Variants in TRRAP observed in about 807,000 individuals in gnomAD.
TRRAP encodes the protein transformation/transcription domain-associated protein.
A neutral mutation model predicts 438.8 loss-of-function variants in TRRAP; 41 were observed. The observed-to-expected ratio is 0.09, with a 90% CI of 0.07 to 0.12. TRRAP has a LOEUF of 0.12. Among genes scored for constraint, TRRAP ranks in the 10% least tolerant of loss-of-function variants. The pLI is 1.00. For synonymous variants in TRRAP, 1,994 were observed against 1,962.9 expected (o/e 1.02, Z -0.42); for missense variants, 3,122 against 5,055.1 (o/e 0.62, Z 11.60).
chr7:98,989,975 C>T (rs913064380), intron 63 of TRRAP, among the ~76,000 whole-genome samples: 3 of 152,220 alleles, frequency 2.0e-5, no homozygotes, highest in African/African-American at 7.2e-5. Context: ...CGCTTGTAAA[C>T]CCAGCACTTT....
At chr7:98,925,062 A>T in intron 21 of TRRAP, 50 bp from the exon 22 acceptor site, 1 of 1,558,750 alleles carries the variant, frequency 6.4e-7, no homozygotes. Flanking sequence ...AGCTTTTCAC[A>T]ATCATGTAAT....
intron 67 of TRRAP, 69 bp from the exon 68 acceptor site, chr7:99,004,121 C>T (rs943423048): frequency 9.3e-6 from 13 of 1,396,238 alleles, no homozygotes; most frequent in Admixed American, 8.7e-5. Context: ...GGGGCTTGAG[C>T]GTTTTTTGCA....
intron 67 of TRRAP, among the ~76,000 whole-genome samples, chr7:98,996,662 A>G (rs901658430): frequency 2.0e-5 from 3 of 152,364 alleles, no homozygotes; most frequent in Admixed American, 6.5e-5. Context: ...CAATTTTTAT[A>G]CAAAATGTCC....
chr7:98,912,511 C>T (rs1372735350), intron 18 of TRRAP, among the ~76,000 whole-genome samples: 5 of 151,716 alleles, frequency 3.3e-5, no homozygotes, highest in Admixed American at 6.6e-5. Context: ...AAAATCATTC[C>T]GTGTATGTCT....
intron 18 of TRRAP, among the ~76,000 whole-genome samples, chr7:98,913,595 A>G (rs905379435): frequency 1.5e-4 from 23 of 152,074 alleles, no homozygotes; most frequent in African/African-American, 5.3e-4. Flanking sequence ...GCCTTCACTC[A>G]GGTTTTGTGT....
chr7:98,989,686 C>T (rs903356603), intron 63 of TRRAP, among the ~76,000 whole-genome samples: 1 of 152,250 alleles, frequency 6.6e-6, no homozygotes, highest in Non-Finnish European at 1.5e-5. Flanking sequence ...GTGCCTGGCT[C>T]CGGGTTGCTT....
intron 65 of TRRAP, among the ~76,000 whole-genome samples, chr7:98,993,011 T>A (rs1379002230): frequency 6.6e-6 from 1 of 152,202 alleles, no homozygotes; most frequent in African/African-American, 2.4e-5. Context: ...GGCTCTGCAA[T>A]GTATCTCACA....
intron 1 of TRRAP, among the ~76,000 whole-genome samples, chr7:98,880,300 A>C (rs1285821016): frequency 8.4e-6 from 1 of 118,946 alleles, no homozygotes; most frequent in Non-Finnish European, 1.7e-5. Flanking sequence ...ACCTTGCTCT[A>C]TTGCCCAGGA....
rs1554417891 is a variant in TRRAP at position 98,950,128 on chromosome 7, T to A, written c.5200T>A (p.Cys1734Ser). 3 of 1,614,266 alleles carry A rather than the reference T, an allele frequency of 1.9e-6. No individual in the cohort carries two copies. The highest frequency in any genetic ancestry group is 2.5e-6 in the Non-Finnish European group (3 of 1,180,044). The change falls in exon 38 of 73, where the codon TGC becomes AGC. Residue 1734 changes from cysteine to serine, a missense_variant. This residue lies in a region of TRRAP where 272 missense variants were observed against 348.5 expected (regional missense o/e 0.78). Coordinates refer to ENST00000456197, the MANE Select transcript of TRRAP (RefSeq NM_001375524.1). ...LLRAFTGRFL[C>S]NMTFLKEYME... ...CCGAGCCTTTACTGGTCGTTTTCTC[T>A]GCAACATGACATTCTTAAAAGAGTA...
At chr7:98,913,395 TC>T (rs1789372270) in intron 18 of TRRAP, among the ~76,000 whole-genome samples, 1 of 152,090 alleles carries the variant, frequency 6.6e-6, no homozygotes, top group Admixed American at 6.6e-5. Flanking sequence ...GTCAAGCAAT[TC>T]TCCTGCCTCA....
intron 45 of TRRAP, among the ~76,000 whole-genome samples, 178 bp from the exon 46 acceptor site, chr7:98,961,083 A>C (rs1791871046): frequency 6.6e-6 from 1 of 152,240 alleles, no homozygotes; most frequent in Non-Finnish European, 1.5e-5. Context: ...GTAGTTATTT[A>C]AAGTGATTTT....
intron 60 of TRRAP, 159 bp downstream of exon 60, chr7:98,983,618 A>G (rs2116763156): frequency 1.3e-6 from 1 of 742,394 alleles, no homozygotes; most frequent in Non-Finnish European, 2.2e-6. Context: ...TGGTAATGGT[A>G]CAGGGAAAGA....
At chr7:98,905,552 A>G (rs73393191) in intron 12 of TRRAP, among the ~76,000 whole-genome samples, 17 of 152,238 alleles carry the variant, frequency 1.1e-4, no homozygotes, top group African/African-American at 3.4e-4. Context: ...GGTTGTTTCT[A>G]TAGAACCCTG....
rs1792352414 is a variant in TRRAP, at chr7:98,970,300, C to T, written c.7692+9C>T. ...GCGAGTCCAAAGAGGAGGTGAGGCC[C>T]TGCACCCCACAGGCAGAATCCCAGA... On this transcript the variant is annotated intron_variant, in intron 52 of 72. Coordinates refer to ENST00000456197, the MANE Select transcript of TRRAP (RefSeq NM_001375524.1). 6 of 1,610,140 alleles carry T rather than the reference C, an allele frequency of 3.7e-6. No homozygotes were observed. Among genetic ancestry groups the T allele is most frequent in the Non-Finnish European group, 5.1e-6 (6 of 1,179,732 alleles).
rs1281082495 is a variant in TRRAP, at chr7:99,011,765, G to A, written c.11337+230G>A. Among the ~76,000 whole-genome samples, 10 of 152,270 alleles carry A rather than the reference G, an allele frequency of 6.6e-5. No individual in the cohort carries two copies. The highest frequency in any genetic ancestry group is 3.8e-4 in the East Asian group (2 of 5,204). On this transcript the variant is annotated intron_variant, in intron 72 of 72. Transcript: ENST00000456197. This position sits in a 1 kb window ranked among gnomAD's most constrained non-coding sequence, Gnocchi z 7.1. ...GCCTGCCTGACACTCGGCAGATGCC[G>A]GAAGGTGTCAAGTGAACAAATAAAC...
At chr7:98,982,572 AT>A (rs1792981206) in intron 59 of TRRAP, among the ~76,000 whole-genome samples, 1 of 152,242 alleles carries the variant, frequency 6.6e-6, no homozygotes, top group Non-Finnish European at 1.5e-5. Context: ...CAGACAGAAA[AT>A]CAGGATAATG....
In TRRAP at chr7:98,978,800, C is replaced by G; in HGVS notation, c.8530C>G (p.Leu2844Val). 1.9e-6 allele frequency: 3 copies of G among 1,614,252 alleles called. No homozygotes were observed. Among genetic ancestry groups the G allele is most frequent in the Non-Finnish European group, 2.5e-6 (3 of 1,180,054 alleles). The change falls in exon 58 of 73, where the codon CTG (leucine) becomes GTG (valine). Residue 2844 changes from leucine to valine, a missense_variant. Leu to Val is a conservative substitution (Grantham distance 32, BLOSUM62 1). This residue lies in a region of TRRAP where 992 missense variants were observed against 1,281.2 expected (regional missense o/e 0.77). Coordinates refer to ENST00000456197, the MANE Select transcript of TRRAP (RefSeq NM_001375524.1). ...CSKELNQWEALTEYGQSKGHI... is the reference protein window; with the variant it reads ...CSKELNQWEAVTEYGQSKGHI... ...CAAGGAATTGAACCAGTGGGAAGCCCTGACGGAGTACGGTCAGTCCAAAGG... is the reference window on the plus strand; with the variant it reads ...CAAGGAATTGAACCAGTGGGAAGCCGTGACGGAGTACGGTCAGTCCAAAGG...
chr7:98,899,699 C>T lies in TRRAP; in HGVS notation c.732C>T (p.His244=), dbSNP rs1305122426. The change falls in exon 10 of 73, where the codon CAC becomes CAT. Residue 244 remains histidine, a synonymous_variant. Coordinates refer to ENST00000456197, the MANE Select transcript of TRRAP (RefSeq NM_001375524.1). ...LMYQLYKLNI[H]NVVAEFVPLI... Reference sequence around the variant, plus strand: ...TTTAGCTCTACAAACTGAACATCCACAATGTTGTTGCTGAGTTTGTGCCCT... The same window carrying T: ...TTTAGCTCTACAAACTGAACATCCATAATGTTGTTGCTGAGTTTGTGCCCT... The T allele has an allele frequency of 7.4e-6, 12 of 1,614,056 alleles. No homozygotes were observed. Among genetic ancestry groups the T allele is most frequent in the Admixed American group, 1.7e-5 (1 of 60,006 alleles).
In TRRAP at chr7:98,967,623, G is replaced by A. The variant is rs774758120; in HGVS notation, c.7437G>A (p.Glu2479=). Residue 2479 remains glutamate (E), a synonymous_variant, in exon 51 of 73, where the codon GAG becomes GAA. Transcript: ENST00000456197. ...ACTCCATGAAACGTCGTGTCTACGA[G>A]CGCTTGCTCTATGTGACCTGTTCGC... is the stretch of plus-strand genomic sequence containing the variant. ...FDNSMKRRVY[E]RLLYVTCSQN... is the part of the protein sequence containing the mutation. 1.5e-5 allele frequency: 25 copies of A among 1,613,942 alleles called. No homozygotes were observed. In the Admixed American group the frequency reaches 4.0e-4, roughly 26 times the overall value.
Sources: gnomAD v4.1 joint callset for allele counts (sites outside exome capture counted in the v4.1 genomes callset) on GRCh38, gnomAD v4.1.1 for gene constraint, gnomAD v4.1.1 regional missense constraint, Gnocchi (gnomAD v3.1) non-coding constraint, MANE v1.5 for transcripts, NCBI Gene and HGNC (gene_info 2026-07-23, HGNC 2026-07-21) for gene names.